COL6A3: variants seen among roughly 807,000 people sequenced by gnomAD.
The protein encoded by COL6A3 is collagen alpha-3(VI) chain.
A neutral mutation model predicts 274.1 loss-of-function variants in COL6A3; 137 were observed. The observed-to-expected ratio is 0.50, with a 90% CI of 0.44 to 0.58. The LOEUF is 0.58. Ranked by LOEUF, COL6A3 falls within the 20% of genes least tolerant of loss-of-function variation. COL6A3 has a pLI of 0.00. For synonymous variants in COL6A3, 1,650 were observed against 1,650.6 expected, an observed-to-expected ratio of 1.00 and a Z score of 0.01; for missense variants, 3,950 against 4,124.9, an observed-to-expected ratio of 0.96 and a Z score of 1.16.
intron 41 of COL6A3, among the ~76,000 whole-genome samples, chr2:237,334,407 G>A (rs533234713): frequency 1.3e-5 from 2 of 152,332 alleles, no homozygotes; most frequent in South Asian, 2.1e-4. Context: ...CCAGAGGGCA[G>A]GACTGCATCC....
intron 1 of COL6A3, among the ~76,000 whole-genome samples, chr2:237,408,945 C>A (rs1008636052): frequency 6.6e-6 from 1 of 152,108 alleles, no homozygotes; most frequent in Non-Finnish European, 1.5e-5. Context: ...TTAAAAGAGG[C>A]TACTCCAAGG....
At chr2:237,352,408 G>A (rs2077225791) in intron 26 of COL6A3, 114 bp downstream of exon 26, 1 of 1,038,128 alleles carries the variant, frequency 9.6e-7, no homozygotes, top group East Asian at 2.6e-5. Context: ...TGCCAAAGAG[G>A]AGAGCTAAAG....
chr2:237,337,281 C>A (rs1559195797), intron 39 of COL6A3, among the ~76,000 whole-genome samples: 1 of 152,044 alleles, frequency 6.6e-6, no homozygotes, highest in East Asian at 1.9e-4. Flanking sequence ...TTCTGTTTTC[C>A]TAAAGATAAA....
chr2:237,398,839 G>A (rs2078517627), intron 1 of COL6A3, among the ~76,000 whole-genome samples: 1 of 152,208 alleles, frequency 6.6e-6, no homozygotes, highest in African/African-American at 2.4e-5. Context: ...GGGGAACAAG[G>A]CCATTGGCGA....
chr2:237,398,982 C>A (rs1322610171), intron 1 of COL6A3, among the ~76,000 whole-genome samples: 1 of 152,066 alleles, frequency 6.6e-6, no homozygotes, highest in African/African-American at 2.4e-5. Context: ...TTTACATTAT[C>A]CTTAGAGGTA....
In COL6A3 at chr2:237,395,058, G is replaced by C. The variant is rs777869450; in HGVS notation, c.238C>G (p.Leu80Val). Reference sequence around the variant, plus strand: ...TGTGGGTTTCCGTTGAACTGGACCAGAGCAAAATGGAAATCATTTTCTCCC... The same window carrying C: ...TGTGGGTTTCCGTTGAACTGGACCACAGCAAAATGGAAATCATTTTCTCCC... Reference protein sequence around the residue: ...AVGENDFHFALVQFNGNPHTE... With the variant: ...AVGENDFHFAVVQFNGNPHTE... Residue 80 changes from leucine (L) to valine (V), a missense_variant, in exon 3 of 44, where the codon CTG becomes GTG. Leu to Val is a conservative substitution (Grantham distance 32). Transcript: ENST00000295550. 1.2e-6 allele frequency: 2 copies of C among 1,614,118 alleles called. No homozygotes were observed. Among genetic ancestry groups the C allele is most frequent in the Non-Finnish European group, 1.7e-6 (2 of 1,180,036 alleles).
chr2:237,344,483 G>A lies in COL6A3; in HGVS notation c.7535C>T (p.Ala2512Val). 6.2e-7 allele frequency: 1 copy of A among 1,614,192 alleles called. No homozygotes were observed. Among genetic ancestry groups the A allele is most frequent in the South Asian group, 1.1e-5 (1 of 91,084 alleles). ...TGTGGGTGTGTTGCTGAAGAAAACA[G>A]CCACTTTCCTCATTAGGAATCCGTT... ...VRNGFLMRKV[A>V]VFFSNTPTRA... The change falls in exon 36 of 44, where the codon GCT becomes GTT. Residue 2512 changes from alanine to valine, a missense_variant. This residue lies in a region of COL6A3 where 1,284 missense variants were observed against 1,349.7 expected (regional missense o/e 0.95). Transcript: ENST00000295550. This position sits in a 1 kb window ranked among gnomAD's most constrained non-coding sequence, Gnocchi z 4.8.
At chr2:237,336,707 T>TA (rs1159172951) in intron 39 of COL6A3, among the ~76,000 whole-genome samples, 175 bp from the exon 40 acceptor site, 3 of 152,076 alleles carry the variant, frequency 2.0e-5, no homozygotes, top group Admixed American at 1.3e-4. Context: ...TGTGCCTCCC[T>TA]AAAAAAAGAT....
chr2:237,398,677 T>C (rs1410367520), intron 1 of COL6A3, among the ~76,000 whole-genome samples: 1 of 152,230 alleles, frequency 6.6e-6, no homozygotes, highest in Non-Finnish European at 1.5e-5. Flanking sequence ...GTTGCTATCT[T>C]GGAATTCTTA....
chr2:237,407,809 T>C lies in COL6A3; in HGVS notation c.-31+6144A>G, dbSNP rs2078757880. 6.6e-6 allele frequency among the ~76,000 whole-genome samples: 1 copy of C among 152,252 alleles called. No individual in the cohort carries two copies. Among genetic ancestry groups the C allele is most frequent in the Non-Finnish European group, 1.5e-5 (1 of 68,040 alleles). On this transcript the variant is annotated intron_variant, in intron 1 of 43. Transcript: ENST00000295550. This position sits in a 1 kb window ranked among gnomAD's most constrained non-coding sequence, Gnocchi z 4.3. Reference sequence around the variant, plus strand: ...CCAGACAAGATTTTGTCTGCACTTATACTGCTAATTATAAACATCAGGCAG... The same window carrying C: ...CCAGACAAGATTTTGTCTGCACTTACACTGCTAATTATAAACATCAGGCAG...
At chr2:237,353,447 T>C (rs2077250046) in intron 24 of COL6A3, 44 bp from the exon 25 acceptor site, 1 of 1,543,782 alleles carries the variant, frequency 6.5e-7, no homozygotes, top group Non-Finnish European at 8.9e-7. Flanking sequence ...GGATGGTTCC[T>C]GTCAATGTCA....
chr2:237,382,121 G>A (rs1481440418), intron 4 of COL6A3, among the ~76,000 whole-genome samples: 1 of 152,186 alleles, frequency 6.6e-6, no homozygotes, highest in African/African-American at 2.4e-5. Context: ...AGTGGCTCAC[G>A]CCTGTAATCC....
Position 237,324,843 on chromosome 2 carries a change from G to T in COL6A3, c.9494-29C>A, listed in dbSNP as rs200934970. ...AGCGTCGAGAGAGGGGGTGGGTGGG[G>T]TGAGGTGAGGAGCCGAGAGAAGAGA... On this transcript the variant is annotated intron_variant, in intron 43 of 43. Coordinates refer to ENST00000295550, the MANE Select transcript of COL6A3 (RefSeq NM_004369.4). 10 of 1,611,222 alleles carry T rather than the reference G, an allele frequency of 6.2e-6. No homozygotes were observed. The East Asian group carries it at 1.3e-4, about 22-fold the overall frequency.
chr2:237,399,423 C>G (rs375285347), intron 1 of COL6A3, among the ~76,000 whole-genome samples: 1 of 152,170 alleles, frequency 6.6e-6, no homozygotes, highest in Admixed American at 6.5e-5. Flanking sequence ...AAATGCCTGA[C>G]GCGGAATGGA....
chr2:237,349,198 G>A (rs1183931937), intron 28 of COL6A3, among the ~76,000 whole-genome samples: 3 of 150,038 alleles, frequency 2.0e-5, no homozygotes, highest in Non-Finnish European at 4.4e-5. Context: ...GCTCTCTCAT[G>A]AGGAGCATTC....
chr2:237,359,796 C>T (rs763454506), intron 17 of COL6A3, among the ~76,000 whole-genome samples: 4 of 152,194 alleles, frequency 2.6e-5, no homozygotes, highest in African/African-American at 7.2e-5. Flanking sequence ...GGGCCGGGGC[C>T]GTGGGCACCA....
rs571371071 is a variant in COL6A3 at position 237,409,460 on chromosome 2, G to T, written c.-31+4493C>A. ...GAACCTCAGGGCTCAAGGCCATGAT[G>T]CACAATAGGTCTTGTTAAACTTAAG... is the stretch of plus-strand genomic sequence containing the variant. On this transcript the variant is annotated intron_variant, in intron 1 of 43. Coordinates refer to ENST00000295550, the MANE Select transcript of COL6A3 (RefSeq NM_004369.4). Among the ~76,000 whole-genome samples, 3 of 152,144 alleles carry T rather than the reference G, an allele frequency of 2.0e-5. No homozygotes were observed. The East Asian group carries it at 5.8e-4, about 29-fold the overall frequency.
intron 39 of COL6A3, among the ~76,000 whole-genome samples, chr2:237,338,046 C>T (rs531713689): frequency 1.3e-5 from 2 of 152,206 alleles, no homozygotes; most frequent in Non-Finnish European, 2.9e-5. Context: ...TTGTTTGGAA[C>T]TATGGTCTCA....
intron 39 of COL6A3, among the ~76,000 whole-genome samples, chr2:237,338,205 A>C (rs1384513880): frequency 1.3e-5 from 2 of 152,182 alleles, no homozygotes; most frequent in Non-Finnish European, 2.9e-5. Flanking sequence ...GCCAGTTCTA[A>C]CCTAGGTCAC....
Sources: allele counts gnomAD v4.1 joint callset (sites outside exome capture counted in the v4.1 genomes callset), GRCh38; gene constraint gnomAD v4.1.1; regional missense constraint gnomAD v4.1.1; non-coding constraint Gnocchi (gnomAD v3.1); transcripts MANE v1.5; gene names NCBI Gene and HGNC (gene_info 2026-07-23, HGNC 2026-07-21).